Variants in ANKS3 observed in about 807,000 individuals in gnomAD.
The protein encoded by ANKS3 is ankyrin repeat and SAM domain-containing protein 3.
ANKS3 carries 62 observed loss-of-function variants against 80.7 expected under a neutral mutation model. The observed-to-expected ratio is 0.77, with a 90% CI of 0.63 to 0.95. The LOEUF (loss-of-function observed/expected upper bound fraction) is 0.95. Among genes scored for constraint, ANKS3 ranks in the 40% least tolerant of loss-of-function variants. The probability of loss-of-function intolerance (pLI) is 0.00; values close to 1 mark genes in which losing one functional copy is unlikely to be tolerated. For synonymous variants in ANKS3, 489 were observed against 355.3 expected (o/e 1.38, Z -4.23); for missense variants, 1,150 against 883.6 (o/e 1.30, Z -3.82).
At chr16:4,698,710 C>G in intron 13 of ANKS3, 90 bp downstream of exon 13, 1 of 1,540,626 alleles carries the variant, frequency 6.5e-7, no homozygotes, top group African/African-American at 1.4e-5. Flanking sequence ...ATCCACCTGA[C>G]CCCTCCACAC....
intron 5 of ANKS3, among the ~76,000 whole-genome samples, chr16:4,725,311 C>T (rs1365843302): frequency 1.3e-5 from 2 of 152,152 alleles, no homozygotes; most frequent in African/African-American, 4.8e-5. Context: ...TATGCTAACT[C>T]GGCACTGTCT....
intron 8 of ANKS3, among the ~76,000 whole-genome samples, chr16:4,703,712 C>T (rs1452823894): frequency 6.6e-6 from 1 of 152,116 alleles, no homozygotes; most frequent in African/African-American, 2.4e-5. Flanking sequence ...CGCCCGGCCC[C>T]AAATTTCTTA....
At chr16:4,729,925 G>C in intron 3 of ANKS3, 55 bp downstream of exon 3, 1 of 1,386,828 alleles carries the variant, frequency 7.2e-7, no homozygotes, top group Middle Eastern at 1.9e-4. Flanking sequence ...ACGTGGGATC[G>C]AAGCCATCAC....
intron 6 of ANKS3, among the ~76,000 whole-genome samples, chr16:4,722,006 G>A (rs2081126080): frequency 6.6e-6 from 1 of 151,368 alleles, no homozygotes; most frequent in East Asian, 1.9e-4. Flanking sequence ...GATGGGAGCA[G>A]CTGCACATGG....
intron 3 of ANKS3, chr16:4,729,266 C>T (rs1277712464): frequency 6.6e-6 from 1 of 152,308 alleles, no homozygotes; most frequent in East Asian, 1.9e-4. Flanking sequence ...AAAGCCCAGC[C>T]TCTCTCCTCC....
At chr16:4,716,743 C>G (rs550618303) in intron 6 of ANKS3, among the ~76,000 whole-genome samples, 1 of 150,998 alleles carries the variant, frequency 6.6e-6, no homozygotes. Flanking sequence ...GGTGAAACCC[C>G]GTCTCTACTA....
chr16:4,719,338 G>C (rs1055448769), intron 6 of ANKS3, among the ~76,000 whole-genome samples: 2 of 152,116 alleles, frequency 1.3e-5, no homozygotes, highest in Non-Finnish European at 2.9e-5. Flanking sequence ...GTCTCAAAAA[G>C]AAACAAACAT....
intron 10 of ANKS3, 94 bp from the exon 11 acceptor site, chr16:4,701,228 C>T (rs534018882): frequency 6.9e-5 from 108 of 1,560,854 alleles, no homozygotes; most frequent in South Asian, 1.6e-4. Context: ...TGAGAGGCTT[C>T]GTGAAACCCC....
chr16:4,734,195 C>T lies in ANKS3; in HGVS notation c.-328G>A. On this transcript the variant is annotated 5_prime_UTR_variant, in exon 1 of 18. Transcript: ENST00000304283. ...AGGCCTTGCGCCGCCCTCGGGCTGC[C>T]GTCGCCAACCCCCCCCAAACAGCTC... 2 of 133,870 alleles carry T rather than the reference C, an allele frequency of 1.5e-5. No homozygotes were observed. Among genetic ancestry groups the T allele is most frequent in the Non-Finnish European group, 2.2e-5 (2 of 91,232 alleles). 8.3% of individuals were successfully genotyped at this position (133,870 alleles called of 1,614,324 possible).
At chr16:4,722,185 T>C (rs2081136776) in intron 6 of ANKS3, among the ~76,000 whole-genome samples, 1 of 151,386 alleles carries the variant, frequency 6.6e-6, no homozygotes, top group Non-Finnish European at 1.5e-5. Context: ...AGAGATACCA[T>C]GTGAATTTTT....
chr16:4,714,345 C>T, intron 6 of ANKS3, 159 bp from the exon 7 acceptor site: 1 of 1,077,560 alleles, frequency 9.3e-7, no homozygotes, highest in Non-Finnish European at 1.3e-6. Flanking sequence ...GGCTTGTCTG[C>T]ACCGCAGCCA....
At chr16:4,701,585 G>T (rs771607074) in intron 9 of ANKS3, 42 bp from the exon 10 acceptor site, 9 of 1,554,068 alleles carry the variant, frequency 5.8e-6, no homozygotes, top group Middle Eastern at 1.7e-4. Context: ...AGCCCTCACC[G>T]AGGTGCTGCG....
At chr16:4,723,916 C>A (rs985213499) in intron 6 of ANKS3, among the ~76,000 whole-genome samples, 1 of 151,902 alleles carries the variant, frequency 6.6e-6, no homozygotes, top group Non-Finnish European at 1.5e-5. Flanking sequence ...AATAATTAGC[C>A]GGGGCATGGT....
At chr16:4,697,738 G>C (rs918048061) in intron 15 of ANKS3, among the ~76,000 whole-genome samples, 1 of 152,234 alleles carries the variant, frequency 6.6e-6, no homozygotes, top group Non-Finnish European at 1.5e-5. Flanking sequence ...AAGGCACAGG[G>C]CCTTTCTCGA....
At chr16:4,722,778 T>C (rs947657985) in intron 6 of ANKS3, among the ~76,000 whole-genome samples, 3 of 148,416 alleles carry the variant, frequency 2.0e-5, no homozygotes, top group African/African-American at 7.5e-5. Flanking sequence ...ATTAGCCAGG[T>C]GTGCGGGCGG....
intron 16 of ANKS3, 66 bp downstream of exon 16, chr16:4,697,267 A>G (rs1596336750): frequency 6.4e-7 from 1 of 1,553,174 alleles, no homozygotes; most frequent in Non-Finnish European, 8.8e-7. Flanking sequence ...TTTCCCTGGA[A>G]AGGGGTCCCT....
chr16:4,698,310 C>A, intron 14 of ANKS3, 117 bp downstream of exon 14: 1 of 1,370,326 alleles, frequency 7.3e-7, no homozygotes, highest in South Asian at 1.5e-5. Flanking sequence ...TGGGGTGGCT[C>A]CAGACCCTGA....
chr16:4,698,383 C>A, intron 14 of ANKS3, 44 bp downstream of exon 14: 1 of 1,442,348 alleles, frequency 6.9e-7, no homozygotes. Context: ...GGCCAGGTGG[C>A]TGACCACTGG....
rs1461676505 is a variant in ANKS3 at position 4,705,250 on chromosome 16, T to C, written c.713A>G (p.Lys238Arg). The C allele has an allele frequency of 6.2e-7, 1 of 1,613,552 alleles. No homozygotes were observed. The highest frequency in any genetic ancestry group is 1.3e-5 in the African/African-American group (1 of 74,922). ...LPKSLYRSPEKYEDLSSSDES... is the reference protein window; with the variant it reads ...LPKSLYRSPERYEDLSSSDES... ...GTCAGAAGAGCTCAGATCTTCGTACTTTTCTGTGATCAAACACCAAGATTA... is the reference window on the plus strand; with the variant it reads ...GTCAGAAGAGCTCAGATCTTCGTACCTTTCTGTGATCAAACACCAAGATTA... The change falls in exon 8 of 18, where the codon AAG (lysine) becomes AGG (arginine). Residue 238 changes from lysine to arginine, a missense_variant. Lys to Arg is a conservative substitution (Grantham distance 26, BLOSUM62 2). Transcript: ENST00000304283.
Sources: gnomAD v4.1 joint callset for allele counts (sites outside exome capture counted in the v4.1 genomes callset) on GRCh38, gnomAD v4.1.1 for gene constraint, MANE v1.5 for transcripts, NCBI Gene and HGNC (gene_info 2026-07-23, HGNC 2026-07-21) for gene names.